ARHGEF16: variants seen among roughly 807,000 people sequenced by gnomAD.
The protein encoded by ARHGEF16 is Rho guanine nucleotide exchange factor 16.
Under a neutral mutation model 74.1 loss-of-function variants are expected in ARHGEF16, and 59 were observed. The observed-to-expected ratio is 0.80, with a 90% CI of 0.65 to 0.99. The LOEUF is 0.99. ARHGEF16 is among the 50% of genes least tolerant of loss of function. The pLI, the probability that ARHGEF16 is intolerant of heterozygous loss-of-function variation, is 0.00. For synonymous variants in ARHGEF16, 415 were observed against 412.6 expected (o/e 1.01, Z -0.07); for missense variants, 948 against 986.6 (o/e 0.96, Z 0.52).
chr1:3,456,165 C>T (rs986399143), intron 1 of ARHGEF16, among the ~76,000 whole-genome samples: 4 of 152,178 alleles, frequency 2.6e-5, no homozygotes, highest in Admixed American at 6.5e-5. Flanking sequence ...GCTGGCTCTT[C>T]GGGGGCCATC....
At chr1:3,469,343 C>A in intron 5 of ARHGEF16, 90 bp from the exon 6 acceptor site, 1 of 1,484,048 alleles carries the variant, frequency 6.7e-7, no homozygotes, top group East Asian at 2.3e-5. Context: ...CCCTGCCACC[C>A]GGGTCACGTC....
chr1:3,479,459 A>G, intron 12 of ARHGEF16, 58 bp from the exon 13 acceptor site: 1 of 1,585,392 alleles, frequency 6.3e-7, no homozygotes, highest in South Asian at 1.1e-5. Context: ...GAAGTCAAGG[A>G]ACATCAGACG....
chr1:3,472,564 A>G (rs1183767475), intron 6 of ARHGEF16, among the ~76,000 whole-genome samples: 2 of 152,202 alleles, frequency 1.3e-5, no homozygotes, highest in Non-Finnish European at 2.9e-5. Flanking sequence ...TCATCCTTGG[A>G]AGGGGTGGCC....
chr1:3,463,115 G>A lies in ARHGEF16; in HGVS notation c.31G>A (p.Glu11Lys). 6.8e-7 allele frequency: 1 copy of A among 1,467,242 alleles called. No individual in the cohort carries two copies. The allele number at this position is 1,467,242 out of a possible 1,614,324, so 90.9% of individuals were successfully genotyped here. MAQRHSDSSL[E>K]EKLLGHRFHS... ...CCAGCGGCACTCAGACAGCTCCTTG[G>A]AGGAGAAGCTCCTGGGACACCGCTT... Residue 11 changes from glutamate (E) to lysine (K), a missense_variant, in exon 2 of 15, where the codon GAG becomes AAG. Coordinates refer to ENST00000378378, the MANE Select transcript of ARHGEF16 (RefSeq NM_014448.4).
At chr1:3,455,996 G>A (rs932015675) in intron 1 of ARHGEF16, among the ~76,000 whole-genome samples, 3 of 152,168 alleles carry the variant, frequency 2.0e-5, no homozygotes, top group African/African-American at 7.2e-5. Flanking sequence ...CTGAAGGTAG[G>A]CACTCCTCAC....
intron 1 of ARHGEF16, among the ~76,000 whole-genome samples, chr1:3,455,489 G>A (rs956639803): frequency 6.6e-6 from 1 of 152,130 alleles, no homozygotes; most frequent in Non-Finnish European, 1.5e-5. Context: ...TGGCCGCTCA[G>A]CCTCTTTCTG....
intron 7 of ARHGEF16, 72 bp downstream of exon 7, chr1:3,473,302 C>A: frequency 1.3e-6 from 2 of 1,585,232 alleles, no homozygotes; most frequent in South Asian, 2.3e-5. Flanking sequence ...AAAGCACATT[C>A]CTGCTCCCAG....
chr1:3,471,575 T>TCCCCCAGCTCTG lies in ARHGEF16; in HGVS notation c.1023-1494_1023-1483dup, dbSNP rs1384325274. Reference sequence around the variant, plus strand: ...AGGGGTCTGGGATAGCGGCTGCCCCTCCCCCAGCTCTGCCCCCAGCCAGGC... The same window carrying TCCCCCAGCTCTG: ...AGGGGTCTGGGATAGCGGCTGCCCCTCCCCCAGCTCTGCCCCCAGCTCTGCCCCCAGCCAGGC... On this transcript the variant is annotated intron_variant, in intron 6 of 14. Transcript: ENST00000378378. 8 of 1,052,742 alleles carry TCCCCCAGCTCTG rather than the reference T, an allele frequency of 7.6e-6. No homozygotes were observed. The African/African-American group carries it at 1.4e-4, about 18-fold the overall frequency. The allele number at this position is 1,052,742 out of a possible 1,614,324, so 65.2% of individuals were successfully genotyped here.
At chr1:3,473,717 CTG>C in intron 8 of ARHGEF16, 195 bp downstream of exon 8, 1 of 915,716 alleles carries the variant, frequency 1.1e-6, no homozygotes, top group Non-Finnish European at 1.6e-6. Flanking sequence ...ACAGAGCTCA[CTG>C]TGCCGGGAAC....
intron 6 of ARHGEF16, 191 bp from the exon 7 acceptor site, chr1:3,472,887 T>TC: frequency 1.1e-5 from 1 of 90,066 alleles, no homozygotes; most frequent in South Asian, 1.1e-4. Context: ...CCACCCGCCC[T>TC]CCCTGCTGTC....
chr1:3,469,072 C>A (rs1195446390), intron 5 of ARHGEF16, 136 bp downstream of exon 5: 7 of 1,130,274 alleles, frequency 6.2e-6, no homozygotes, highest in African/African-American at 1.5e-5. Context: ...GTCACGCTGA[C>A]CAGCGCCTCA....
chr1:3,476,870 C>T lies in ARHGEF16; in HGVS notation c.1473+808C>T, dbSNP rs559273081. ...GTCAGGGCGGGCTGCCTGGGGCAGG[C>T]GTCAGGGCGGTGACTTCGCGCCGCT... On this transcript the variant is annotated intron_variant, in intron 10 of 14. Coordinates refer to ENST00000378378, the MANE Select transcript of ARHGEF16 (RefSeq NM_014448.4). Among the ~76,000 whole-genome samples, 36 of 152,206 alleles carry T rather than the reference C, an allele frequency of 2.4e-4. No homozygotes were observed. The East Asian group carries it at 6.8e-3, about 29-fold the overall frequency.
chr1:3,459,212 G>A (rs929591414), intron 1 of ARHGEF16, among the ~76,000 whole-genome samples: 1 of 152,098 alleles, frequency 6.6e-6, no homozygotes, highest in East Asian at 1.9e-4. Flanking sequence ...CCCTACCGAG[G>A]CACATCAGCA....
At chr1:3,466,075 C>G in intron 2 of ARHGEF16, 73 bp from the exon 3 acceptor site, 1 of 1,515,454 alleles carries the variant, frequency 6.6e-7, no homozygotes, top group Non-Finnish European at 8.9e-7. Flanking sequence ...CTCTGGGGTC[C>G]CAGGGCAGAA....
chr1:3,458,453 C>G (rs569994157), intron 1 of ARHGEF16, among the ~76,000 whole-genome samples: 5 of 152,212 alleles, frequency 3.3e-5, no homozygotes, highest in African/African-American at 1.2e-4. Context: ...CTGGCTCCAC[C>G]AGGAGCCGAC....
intron 12 of ARHGEF16, among the ~76,000 whole-genome samples, chr1:3,479,044 G>A (rs1443577478): frequency 6.6e-6 from 1 of 152,238 alleles, no homozygotes; most frequent in Non-Finnish European, 1.5e-5. Context: ...TGGCCGGTAG[G>A]GGCCAGTTCA....
intron 12 of ARHGEF16, 61 bp from the exon 13 acceptor site, chr1:3,479,456 A>G: frequency 6.3e-7 from 1 of 1,583,280 alleles, no homozygotes; most frequent in Non-Finnish European, 8.6e-7. Flanking sequence ...TCAGAAGTCA[A>G]GGAACATCAG....
chr1:3,463,635 C>G lies in ARHGEF16; in HGVS notation c.551C>G (p.Pro184Arg). ...SPKLQALAEEPSQPHTRSPAK... is the reference protein window; with the variant it reads ...SPKLQALAEERSQPHTRSPAK... ...AAGCTCCAGGCTCTGGCTGAGGAAC[C>G]CAGCCAGCCTCATACTCGGAGCCCG... is the stretch of plus-strand genomic sequence containing the variant. The change falls in exon 2 of 15, where the codon CCC becomes CGC. Residue 184 changes from proline (P) to arginine (R), a missense_variant. Coordinates refer to ENST00000378378, the MANE Select transcript of ARHGEF16 (RefSeq NM_014448.4). 1 of 1,423,892 alleles carries G rather than the reference C, an allele frequency of 7.0e-7. No homozygotes were observed. Among genetic ancestry groups the G allele is most frequent in the South Asian group, 1.7e-5 (1 of 60,240 alleles). The allele number at this position is 1,423,892 out of a possible 1,614,324, so 88.2% of individuals were successfully genotyped here. A position where few individuals can be genotyped will look rare whatever the true frequency, so the allele number is the denominator to read the frequency against.
intron 1 of ARHGEF16, among the ~76,000 whole-genome samples, chr1:3,457,002 T>C (rs1639280093): frequency 6.6e-6 from 1 of 152,180 alleles, no homozygotes; most frequent in African/African-American, 2.4e-5. Flanking sequence ...AGATAACAGG[T>C]CTCTCCAGCA....
Sources: gnomAD v4.1 joint callset for allele counts (sites outside exome capture counted in the v4.1 genomes callset) on GRCh38, gnomAD v4.1.1 for gene constraint, MANE v1.5 for transcripts, NCBI Gene and HGNC (gene_info 2026-07-23, HGNC 2026-07-21) for gene names.